The following DNAH8 variants were observed in gnomAD, a reference collection of about 807,000 sequenced individuals.
DNAH8 encodes dynein axonemal heavy chain 8.
Under a neutral mutation model 562.1 loss-of-function variants are expected in DNAH8, and 382 were observed. That is an observed-to-expected ratio of 0.68 (90% CI 0.63 to 0.74). The LOEUF (loss-of-function observed/expected upper bound fraction) is 0.74. Among genes scored for constraint, DNAH8 ranks in the 30% least tolerant of loss-of-function variants. DNAH8 has a pLI of 0.00. For missense variants in DNAH8, 5,203 were observed against 5,620.4 expected (o/e 0.93, Z 2.37); for synonymous variants, 1,881 against 1,919.4 (o/e 0.98, Z 0.52).
At chr6:38,932,819 G>A (rs1372109980) in intron 76 of DNAH8, 1 of 152,200 alleles carries the variant, frequency 6.6e-6, no homozygotes, top group Non-Finnish European at 1.5e-5. Flanking sequence ...ATCCAAGAAG[G>A]GAGAGGGAAA....
Position 38,722,914 on chromosome 6 carries a change from C to A in DNAH8, c.105C>A (p.Arg35=). ...PPRSEEEEAP[R]PPTVEAPAED... is the part of the protein sequence containing the mutation. ...GTTCAGAAGAGGAAGAGGCCCCGCGCCCTCCGACAGTGGAGGCCCCGGCAG... is the reference window on the plus strand; with the variant it reads ...GTTCAGAAGAGGAAGAGGCCCCGCGACCTCCGACAGTGGAGGCCCCGGCAG... Residue 35 remains arginine (R), a synonymous_variant, in exon 2 of 93, where the codon CGC becomes CGA. Coordinates refer to ENST00000327475, the MANE Select transcript of DNAH8 (RefSeq NM_001206927.2). The A allele has an allele frequency of 6.2e-7, 1 of 1,612,364 alleles. No homozygotes were observed. The highest frequency in any genetic ancestry group is 1.3e-5 in the African/African-American group (1 of 75,048).
rs189145629 is a variant in DNAH8, at chr6:38,723,238, C to T, written c.390+39C>T. On this transcript the variant is annotated intron_variant, in intron 2 of 92. Coordinates refer to ENST00000327475, the MANE Select transcript of DNAH8 (RefSeq NM_001206927.2). ...ACGATTTTTCATGTGTGCCACTTTT[C>T]CTTATCAAATACGAAATACTTTTAC... 3.9e-3 allele frequency: 6,136 copies of T among 1,581,808 alleles called. 19 individuals are homozygous for T. Among genetic ancestry groups the T allele is most frequent in the Non-Finnish European group, 4.4e-3 (5,164 of 1,166,682 alleles).
chr6:38,984,495 C>CAA (rs1279407970), intron 87 of DNAH8, 188 bp downstream of exon 87: 28 of 553,370 alleles, frequency 5.1e-5, no homozygotes, highest in African/African-American at 1.8e-4. Flanking sequence ...CACACACACA[C>CAA]AACAACCAGC....
Position 38,857,732 on chromosome 6 carries a change from T to C in DNAH8, c.5948T>C (p.Phe1983Ser). ...ITIHVHQRDI[F>S]DDLVKMHIKS... ...ATCCATGTGCATCAGAGAGATATTT[T>C]TGATGACTTGGTAAGGTATCTTTTT... is the stretch of plus-strand genomic sequence containing the variant. The change falls in exon 42 of 93, where the codon TTT (phenylalanine) becomes TCT (serine). Residue 1983 changes from phenylalanine to serine, a missense_variant. Coordinates refer to ENST00000327475, the MANE Select transcript of DNAH8 (RefSeq NM_001206927.2). The C allele has an allele frequency of 6.2e-7, 1 of 1,603,036 alleles. No individual in the cohort carries two copies. Among genetic ancestry groups the C allele is most frequent in the Non-Finnish European group, 8.5e-7 (1 of 1,171,922 alleles).
intron 33 of DNAH8, among the ~76,000 whole-genome samples, chr6:38,840,996 T>G (rs1192302234): frequency 6.6e-6 from 1 of 152,108 alleles, no homozygotes; most frequent in African/African-American, 2.4e-5. Flanking sequence ...TAGTTGAGAA[T>G]AATAATAAGT....
At chr6:38,885,604 C>T (rs1489113100) in intron 56 of DNAH8, among the ~76,000 whole-genome samples, 1 of 152,242 alleles carries the variant, frequency 6.6e-6, no homozygotes, top group African/African-American at 2.4e-5. Flanking sequence ...GCCTCTCCCT[C>T]TTCCCGTGAC....
intron 88 of DNAH8, among the ~76,000 whole-genome samples, chr6:39,001,453 C>T (rs1414474875): frequency 6.6e-6 from 1 of 151,984 alleles, no homozygotes; most frequent in African/African-American, 2.4e-5. Flanking sequence ...GAGGTGAAGA[C>T]ATCTAAGCTG....
chr6:39,021,692 C>T (rs554962130), intron 91 of DNAH8, among the ~76,000 whole-genome samples: 2 of 152,348 alleles, frequency 1.3e-5, no homozygotes, highest in Non-Finnish European at 2.9e-5. Flanking sequence ...AACATCATTT[C>T]TCCTCATCTT....
At chr6:38,860,872 T>A (rs1314113077) in intron 43 of DNAH8, among the ~76,000 whole-genome samples, 1 of 152,200 alleles carries the variant, frequency 6.6e-6, no homozygotes, top group East Asian at 1.9e-4. Context: ...GATTTAATGG[T>A]GAATTTTAGA....
chr6:38,943,207 GTTGA>G (rs757360542), intron 79 of DNAH8, among the ~76,000 whole-genome samples: 15 of 152,166 alleles, frequency 9.9e-5, no homozygotes, highest in Non-Finnish European at 1.9e-4. Context: ...TTTATGATAG[GTTGA>G]TTGACAGCAG....
intron 88 of DNAH8, among the ~76,000 whole-genome samples, chr6:38,990,758 C>T (rs1764728746): frequency 6.6e-6 from 1 of 152,074 alleles, no homozygotes; most frequent in African/African-American, 2.4e-5. Flanking sequence ...TGCGTGAGGT[C>T]CCTGCTCCAC....
chr6:39,016,719 G>A (rs1766596925), intron 91 of DNAH8, among the ~76,000 whole-genome samples: 1 of 152,158 alleles, frequency 6.6e-6, no homozygotes, highest in African/African-American at 2.4e-5. Flanking sequence ...GATTGCTAAT[G>A]TTTATAATTG....
intron 18 of DNAH8, among the ~76,000 whole-genome samples, chr6:38,789,551 A>G (rs1769501230): frequency 6.6e-6 from 1 of 152,224 alleles, no homozygotes; most frequent in Admixed American, 6.5e-5. Flanking sequence ...CTTAATATAC[A>G]TCTAGAAAGA....
chr6:38,952,792 A>G (rs577372060), intron 82 of DNAH8, among the ~76,000 whole-genome samples: 176 of 152,304 alleles, frequency 1.2e-3, no homozygotes, highest in African/African-American at 4.0e-3. Flanking sequence ...ACTGATACCA[A>G]TGCAAAGAGC....
Position 38,926,132 on chromosome 6 carries a change from C to G in DNAH8, c.11040C>G (p.Thr3680=). ...IQNGIIVTKA[T]RYPLLIDPQT... is the part of the protein sequence containing the mutation. ...ATGGCATTATTGTGACAAAGGCCACCAGATACCCACTCCTCATAGACCCAC... is the reference window on the plus strand; with the variant it reads ...ATGGCATTATTGTGACAAAGGCCACGAGATACCCACTCCTCATAGACCCAC... The change falls in exon 74 of 93, where the codon ACC becomes ACG. Residue 3680 remains threonine (T), a synonymous_variant. Coordinates refer to ENST00000327475, the MANE Select transcript of DNAH8 (RefSeq NM_001206927.2). 1 of 1,613,752 alleles carries G rather than the reference C, an allele frequency of 6.2e-7. No homozygotes were observed. Among genetic ancestry groups the G allele is most frequent in the Non-Finnish European group, 8.5e-7 (1 of 1,179,798 alleles).
chr6:39,024,885 A>G lies in DNAH8; in HGVS notation c.13715-1661A>G, dbSNP rs180806822. ...TAAGAATCTTCTATAAAAGTCCTTC[A>G]CTCAGCTGCTTTGGTTGATTGGTCA... On this transcript the variant is annotated intron_variant, in intron 91 of 92. Coordinates refer to ENST00000327475, the MANE Select transcript of DNAH8 (RefSeq NM_001206927.2). 6.4e-3 allele frequency among the ~76,000 whole-genome samples: 973 copies of G among 152,232 alleles called. 18 individuals are homozygous for G. The highest frequency in any genetic ancestry group is 0.022 in the African/African-American group (930 of 41,546).
intron 1 of DNAH8, among the ~76,000 whole-genome samples, chr6:38,719,413 T>C (rs1762581894): frequency 6.6e-6 from 1 of 152,098 alleles, no homozygotes; most frequent in Non-Finnish European, 1.5e-5. Context: ...ACCCCCAGTG[T>C]CTCTTGTTTC....
At chr6:38,881,549 GTTTTTTT>G (rs3047883) in intron 53 of DNAH8, among the ~76,000 whole-genome samples, 14 of 134,016 alleles carry the variant, frequency 1.0e-4, no homozygotes, top group Non-Finnish European at 2.2e-4. Context: ...TGAAATCAAT[GTTTTTTT>G]TTTTTTTTTT....
Position 38,791,612 on chromosome 6 carries a change from G to T in DNAH8, c.2839G>T (p.Val947Leu). The T allele has an allele frequency of 4.3e-6, 7 of 1,613,932 alleles. No individual in the cohort carries two copies. Among genetic ancestry groups the T allele is most frequent in the Non-Finnish European group, 5.9e-6 (7 of 1,179,894 alleles). The change falls in exon 21 of 93, where the codon GTG (valine) becomes TTG (leucine). Residue 947 changes from valine to leucine, a missense_variant. By Grantham distance (32) the Val-to-Leu change is conservative. Around this residue, in one of 6 missense-constraint regions of DNAH8, gnomAD observed 2,176 missense variants for 2,365.1 expected, o/e 0.92. Transcript: ENST00000327475. ...DTVLKEIAKT[V>L]LISLPESGAT... ...AGTTCTGAAGGAGATAGCCAAAACTGTGTTGATTTCTCTGCCTGAAAGTGG... is the reference window on the plus strand; with the variant it reads ...AGTTCTGAAGGAGATAGCCAAAACTTTGTTGATTTCTCTGCCTGAAAGTGG...
Sources: gnomAD v4.1 joint callset for allele counts (sites outside exome capture counted in the v4.1 genomes callset) on GRCh38, gnomAD v4.1.1 for gene constraint, gnomAD v4.1.1 regional missense constraint, MANE v1.5 for transcripts, NCBI Gene and HGNC (gene_info 2026-07-23, HGNC 2026-07-21) for gene names.